CLIC5: variants seen among roughly 807,000 people sequenced by gnomAD.
The protein encoded by CLIC5 is chloride intracellular channel protein 5.
Under a neutral mutation model 24.7 loss-of-function variants are expected in CLIC5, and 20 were observed. That is an observed-to-expected ratio of 0.81 (90% CI 0.57 to 1.18). The LOEUF is 1.18. Among genes scored for constraint, CLIC5 ranks in the 50% most tolerant of loss-of-function variants. The pLI, the probability that CLIC5 is intolerant of heterozygous loss-of-function variation, is 0.00. For synonymous variants in CLIC5, 159 were observed against 135.6 expected, an observed-to-expected ratio of 1.17 and a Z score of -1.20; for missense variants, 341 against 326.1, an observed-to-expected ratio of 1.05 and a Z score of -0.35.
chr6:45,968,719 C>T (rs1765096669), intron 1 of CLIC5, among the ~76,000 whole-genome samples: 1 of 152,190 alleles, frequency 6.6e-6, no homozygotes, highest in South Asian at 2.1e-4. Context: ...AATGTTTTAG[C>T]TTTGCCGTTA....
At chr6:46,067,154 T>C (rs538790423) in intron 1 of CLIC5, among the ~76,000 whole-genome samples, 3 of 152,214 alleles carry the variant, frequency 2.0e-5, no homozygotes, top group Admixed American at 6.5e-5. Flanking sequence ...GAATGAAGGC[T>C]AGCTGAGGGT....
intron 6 of CLIC5, among the ~76,000 whole-genome samples, chr6:45,885,416 T>G (rs1762296960): frequency 6.6e-6 from 1 of 152,202 alleles, no homozygotes; most frequent in South Asian, 2.1e-4. Flanking sequence ...TACCTTATTA[T>G]AGCAGCCCAT....
chr6:46,086,775 G>A, the CLIC5 span, among the ~76,000 whole-genome samples: 2 of 152,152 alleles, frequency 1.3e-5, no homozygotes, highest in Non-Finnish European at 2.9e-5. Flanking sequence ...GCACATCGTA[G>A]CATGATATCC....
intron 1 of CLIC5, among the ~76,000 whole-genome samples, chr6:45,969,803 T>G (rs1032623943): frequency 9.3e-5 from 14 of 150,262 alleles, no homozygotes; most frequent in East Asian, 1.9e-4. Context: ...AAGGTTTTTT[T>G]TTTTTTTTTT....
At chr6:46,054,337 A>C (rs1555215) in intron 1 of CLIC5, among the ~76,000 whole-genome samples, 106,956 of 151,916 alleles carry the variant, frequency 0.7, 38,010 homozygotes, top group African/African-American at 0.8. Context: ...GACCTTGCAA[A>C]GTCCCTGTTT....
intron 1 of CLIC5, among the ~76,000 whole-genome samples, chr6:45,988,516 G>A (rs1384199137): frequency 6.6e-6 from 1 of 152,172 alleles, no homozygotes; most frequent in African/African-American, 2.4e-5. Flanking sequence ...AAGTTGACAT[G>A]AATTAACCAT....
the CLIC5 span, among the ~76,000 whole-genome samples, chr6:46,103,481 T>C: frequency 2.6e-5 from 4 of 152,204 alleles, no homozygotes; most frequent in African/African-American, 9.7e-5. Context: ...TTACTATCTA[T>C]TCTTTCTGAG....
At chr6:45,890,060 G>T (rs567159370) in intron 6 of CLIC5, among the ~76,000 whole-genome samples, 26 of 152,276 alleles carry the variant, frequency 1.7e-4, no homozygotes, top group African/African-American at 6.0e-4. Context: ...GTCCATTCAA[G>T]TTCTTTGCCC....
rs192249455 is a variant in CLIC5 at position 46,052,209 on chromosome 6, C to T, written c.540+27494G>A. The stretch of plus-strand genomic sequence containing the variant: ...ACCCCCTCTTTGAGATTTGCAGGAC[C>T]TATTCTTGTTTGCAAATTGAAGTGC... On this transcript the variant is annotated intron_variant, in intron 1 of 5. Transcript: ENST00000185206. Among the ~76,000 whole-genome samples the T allele has an allele frequency of 3.1e-3, 471 of 152,150 alleles. 1 individual carries two copies. Among genetic ancestry groups the T allele is most frequent in the Non-Finnish European group, 4.8e-3 (324 of 68,004 alleles).
chr6:45,929,066 C>T (rs2127347538), intron 4 of CLIC5, among the ~76,000 whole-genome samples: 1 of 152,218 alleles, frequency 6.6e-6, no homozygotes, highest in South Asian at 2.1e-4. Context: ...CAGGAGCCCA[C>T]ACAGCAAAAT....
the CLIC5 span, chr6:46,102,524 G>T: frequency 6.6e-6 from 1 of 152,194 alleles, no homozygotes. Context: ...AAGGGATTCT[G>T]GTTTTTATGA....
the CLIC5 span, among the ~76,000 whole-genome samples, chr6:46,111,947 C>T: frequency 6.6e-6 from 1 of 152,122 alleles, no homozygotes; most frequent in Non-Finnish European, 1.5e-5. Context: ...AAACTTTCAC[C>T]TTCCACCATG....
At chr6:46,100,902 G>T in the CLIC5 span, among the ~76,000 whole-genome samples, 2 of 152,110 alleles carry the variant, frequency 1.3e-5, no homozygotes, top group Non-Finnish European at 2.9e-5. Context: ...CCACCTGGAG[G>T]TTACAGAAAA....
the CLIC5 span, among the ~76,000 whole-genome samples, chr6:46,108,837 T>C: frequency 6.6e-6 from 1 of 152,226 alleles, no homozygotes; most frequent in East Asian, 1.9e-4. Flanking sequence ...TTTTGAGCAC[T>C]TTCCAAAATC....
At chr6:45,958,439 T>TATATATATATACACACACACAC (rs1554151275) in intron 1 of CLIC5, among the ~76,000 whole-genome samples, 1 of 12,394 alleles carries the variant, frequency 8.1e-5, no homozygotes, top group Admixed American at 9.8e-4. Context: ...TATATATATA[T>TATATATATATACACACACACAC]ATATATATAT....
the CLIC5 span, among the ~76,000 whole-genome samples, chr6:46,103,995 G>T: frequency 6.6e-6 from 1 of 152,046 alleles, no homozygotes; most frequent in Non-Finnish European, 1.5e-5. Context: ...TGATTAATAG[G>T]AGAAAAGGAC....
At chr6:45,906,992 T>G (rs1429492193) in intron 5 of CLIC5, among the ~76,000 whole-genome samples, 2 of 152,246 alleles carry the variant, frequency 1.3e-5, no homozygotes, top group East Asian at 3.8e-4. Flanking sequence ...ACTTCTTCTT[T>G]TCCTATTTGT....
At chr6:46,034,852 C>T (rs1767617328) in intron 1 of CLIC5, among the ~76,000 whole-genome samples, 1 of 152,142 alleles carries the variant, frequency 6.6e-6, no homozygotes, top group South Asian at 2.1e-4. Context: ...CAAACTATGT[C>T]ATTTGGGCAT....
At chr6:45,997,499 T>C (rs1766191195) in intron 1 of CLIC5, among the ~76,000 whole-genome samples, 1 of 137,732 alleles carries the variant, frequency 7.3e-6, no homozygotes, top group Non-Finnish European at 1.5e-5. Context: ...AAACTTAAAG[T>C]ATAATAATAA....
Sources: allele counts gnomAD v4.1 joint callset (sites outside exome capture counted in the v4.1 genomes callset), GRCh38; gene constraint gnomAD v4.1.1; transcripts MANE v1.5; gene names NCBI Gene and HGNC (gene_info 2026-07-23, HGNC 2026-07-21).